The following CYYR1 variants were observed in gnomAD, a reference collection of about 807,000 sequenced individuals.
CYYR1 encodes cysteine and tyrosine-rich protein 1.
A neutral mutation model predicts 15.2 loss-of-function variants in CYYR1; 14 were observed. The ratio of observed to expected loss-of-function variants is 0.92; its 90% confidence interval spans 0.61 to 1.44. The LOEUF (loss-of-function observed/expected upper bound fraction) is 1.44, where lower values mean the gene tolerates loss of function less well. Ranked by LOEUF, CYYR1 falls within the 40% of genes most tolerant of loss-of-function variation. CYYR1 has a pLI of 0.00. For synonymous variants in CYYR1, 80 were observed against 77.4 expected (o/e 1.03, Z -0.18); for missense variants, 228 against 209.5 (o/e 1.09, Z -0.54).
intron 2 of CYYR1, among the ~76,000 whole-genome samples, chr21:26,555,831 A>G (rs1377758185): frequency 2.0e-5 from 3 of 152,146 alleles, no homozygotes; most frequent in African/African-American, 4.8e-5. Flanking sequence ...GAATTCTTCC[A>G]ACATAATGGA....
chr21:26,490,739 G>A (rs994725459), intron 2 of CYYR1, among the ~76,000 whole-genome samples: 3 of 152,174 alleles, frequency 2.0e-5, no homozygotes, highest in Non-Finnish European at 4.4e-5. Flanking sequence ...TTGTGGTAGA[G>A]TTCAAACTGG....
Position 26,466,692 on chromosome 21 carries a change from G to A in CYYR1, c.*1809C>T, listed in dbSNP as rs1192858035. ...ATCATCACAGAAACCCTGGCACTTT[G>A]AGAGTCTTAGCCACAGTGTAATTGG... On this transcript the variant is annotated 3_prime_UTR_variant, in exon 4 of 4. Coordinates refer to ENST00000652641, the MANE Select transcript of CYYR1 (RefSeq NM_001320768.2). 6.6e-6 allele frequency: 1 copy of A among 152,164 alleles called. No homozygotes were observed. Among genetic ancestry groups the A allele is most frequent in the African/African-American group, 2.4e-5 (1 of 41,436 alleles). 9.4% of individuals were successfully genotyped at this position (152,164 alleles called of 1,614,324 possible).
At chr21:26,498,082 C>T (rs2065431163) in intron 2 of CYYR1, among the ~76,000 whole-genome samples, 1 of 152,210 alleles carries the variant, frequency 6.6e-6, no homozygotes, top group Non-Finnish European at 1.5e-5. Context: ...GTGAGGAACA[C>T]ATCTCTTCAT....
intron 2 of CYYR1, among the ~76,000 whole-genome samples, chr21:26,543,356 T>C (rs2123656399): frequency 6.6e-6 from 1 of 152,270 alleles, no homozygotes; most frequent in African/African-American, 2.4e-5. Context: ...TTTTAAAAAG[T>C]TATGATATTC....
At chr21:26,564,625 GATTA>G in intron 2 of CYYR1, 1 of 919,692 alleles carries the variant, frequency 1.1e-6, no homozygotes, top group African/African-American at 1.8e-5. Flanking sequence ...AAAATATTCT[GATTA>G]ATAAGTAGTT....
intron 2 of CYYR1, among the ~76,000 whole-genome samples, chr21:26,520,542 G>A (rs2065791192): frequency 1.3e-5 from 2 of 152,076 alleles, no homozygotes; most frequent in South Asian, 2.1e-4. Context: ...GTAAACATAT[G>A]TGTGCATGTG....
In CYYR1 at chr21:26,488,240, A is replaced by ACTTACTTACTTC. The variant is rs1555904365; in HGVS notation, c.177-7812_177-7811insGAAGTAAGTAAG. ...TAAAATAAAGACTACATCTTCCCCT[A>ACTTACTTACTTC]CTTCCTTCCTTCCTTCCTTCCTTCC... On this transcript the variant is annotated intron_variant, in intron 2 of 3. Coordinates refer to ENST00000652641, the MANE Select transcript of CYYR1 (RefSeq NM_001320768.2). 2.8e-3 allele frequency among the ~76,000 whole-genome samples: 387 copies of ACTTACTTACTTC among 139,414 alleles called. 2 individuals carry two copies. The highest frequency in any genetic ancestry group is 8.2e-3 in the Admixed American group (113 of 13,744). 91.5% of individuals were successfully genotyped at this position (139,414 alleles called of 152,430 possible). A position where few individuals can be genotyped will look rare whatever the true frequency, so the allele number is the denominator to read the frequency against.
intron 2 of CYYR1, among the ~76,000 whole-genome samples, chr21:26,523,386 CT>C (rs2065826221): frequency 2.0e-5 from 3 of 152,172 alleles, no homozygotes; most frequent in African/African-American, 7.2e-5. Context: ...CCCTCACAAT[CT>C]GTTCACCACA....
intron 2 of CYYR1, among the ~76,000 whole-genome samples, chr21:26,494,252 A>G (rs1453366249): frequency 1.3e-5 from 2 of 152,218 alleles, no homozygotes; most frequent in East Asian, 1.9e-4. Flanking sequence ...AGTGAGTTAA[A>G]TTTCGGTGTG....
chr21:26,549,130 A>G (rs761665522), intron 2 of CYYR1, among the ~76,000 whole-genome samples: 3 of 152,138 alleles, frequency 2.0e-5, no homozygotes, highest in Non-Finnish European at 4.4e-5. Context: ...TAGTCTTCCT[A>G]GAGGCATAAT....
At chr21:26,570,492 G>A (rs1289769793) in intron 1 of CYYR1, among the ~76,000 whole-genome samples, 3 of 152,190 alleles carry the variant, frequency 2.0e-5, no homozygotes, top group Non-Finnish European at 4.4e-5. Flanking sequence ...ACCGAATCCT[G>A]TCTTTGTAGC....
chr21:26,523,184 T>C (rs892989605), intron 2 of CYYR1, among the ~76,000 whole-genome samples: 2 of 152,206 alleles, frequency 1.3e-5, no homozygotes, highest in Non-Finnish European at 2.9e-5. Flanking sequence ...TTCTAGAAGT[T>C]ATCCTACTTT....
In CYYR1 at chr21:26,540,241, C is replaced by G. The variant is rs183299786; in HGVS notation, c.176+26025G>C. On this transcript the variant is annotated intron_variant, in intron 2 of 3. Coordinates refer to ENST00000652641, the MANE Select transcript of CYYR1 (RefSeq NM_001320768.2). Reference sequence around the variant, plus strand: ...AGAAAGTATAAAGACTCCCTGAAATCCCTGGAGAGAAACCCAAAGCCACCA... The same window carrying G: ...AGAAAGTATAAAGACTCCCTGAAATGCCTGGAGAGAAACCCAAAGCCACCA... Among the ~76,000 whole-genome samples, 275 of 152,210 alleles carry G rather than the reference C, an allele frequency of 1.8e-3. 2 individuals carry two copies. The highest frequency in any genetic ancestry group is 6.2e-3 in the African/African-American group (257 of 41,546).
intron 2 of CYYR1, among the ~76,000 whole-genome samples, chr21:26,484,046 C>A (rs2065219522): frequency 6.6e-6 from 1 of 152,148 alleles, no homozygotes; most frequent in Non-Finnish European, 1.5e-5. Context: ...GGGGCCAGAT[C>A]TGTCTCATAG....
At chr21:26,501,406 G>A (rs1909458651) in intron 2 of CYYR1, among the ~76,000 whole-genome samples, 1 of 152,156 alleles carries the variant, frequency 6.6e-6, no homozygotes, top group Non-Finnish European at 1.5e-5. Context: ...TATTTCTCTA[G>A]TGCTAAATTT....
chr21:26,556,061 T>G (rs924743409), intron 2 of CYYR1, among the ~76,000 whole-genome samples: 1 of 152,170 alleles, frequency 6.6e-6, no homozygotes, highest in African/African-American at 2.4e-5. Context: ...CTAGTCTCTA[T>G]CATCTGATTA....
chr21:26,506,541 T>C (rs2065567161), intron 2 of CYYR1: 7 of 152,240 alleles, frequency 4.6e-5, no homozygotes, highest in Admixed American at 1.3e-4. Flanking sequence ...AACTCAACTT[T>C]CCTGAAGAAG....
chr21:26,470,721 C>T (rs1042327493), intron 3 of CYYR1: 1 of 152,226 alleles, frequency 6.6e-6, no homozygotes, highest in East Asian at 1.9e-4. Context: ...TGAGAATGGA[C>T]TAATACAATT....
chr21:26,541,297 A>C lies in CYYR1; in HGVS notation c.176+24969T>G, dbSNP rs140104729. On this transcript the variant is annotated intron_variant, in intron 2 of 3. Transcript: ENST00000652641. Reference sequence around the variant, plus strand: ...CCTATGTAGTATAAATAGAGAAAAGACACCTTGAAAATATCACAATTCGAT... The same window carrying C: ...CCTATGTAGTATAAATAGAGAAAAGCCACCTTGAAAATATCACAATTCGAT... 1.9e-3 allele frequency among the ~76,000 whole-genome samples: 289 copies of C among 152,294 alleles called. 2 individuals carry two copies. The highest frequency in any genetic ancestry group is 6.6e-3 in the African/African-American group (276 of 41,580).
Sources: allele counts gnomAD v4.1 joint callset (sites outside exome capture counted in the v4.1 genomes callset), GRCh38; gene constraint gnomAD v4.1.1; transcripts MANE v1.5; gene names NCBI Gene and HGNC (gene_info 2026-07-23, HGNC 2026-07-21).